PCDH9: variants seen among roughly 807,000 people sequenced by gnomAD.
PCDH9 encodes protocadherin 9.
Under a neutral mutation model 70.6 loss-of-function variants are expected in PCDH9, and 24 were observed. That is an observed-to-expected ratio of 0.34 (90% confidence interval 0.25 to 0.48). The LOEUF is 0.48. Among genes scored for constraint, PCDH9 ranks in the 20% least tolerant of loss-of-function variants. PCDH9 has a pLI of 0.99. For missense variants in PCDH9, 1,281 were observed against 1,503.6 expected (o/e 0.85, Z 2.45); for synonymous variants, 562 against 558.5 (o/e 1.01, Z -0.09).
intron 2 of PCDH9, among the ~76,000 whole-genome samples, chr13:67,098,290 G>A (rs2086363051): frequency 6.6e-6 from 1 of 152,152 alleles, no homozygotes; most frequent in South Asian, 2.1e-4. Context: ...ATTGGCATCT[G>A]TTAAGTAATG....
At chr13:66,878,515 T>C (rs576930202) in intron 3 of PCDH9, among the ~76,000 whole-genome samples, 14 of 152,206 alleles carry the variant, frequency 9.2e-5, no homozygotes, top group South Asian at 8.3e-4. Flanking sequence ...GCGTGAGGCA[T>C]AGCGCAGGGC....
chr13:66,447,232 T>C (rs1340965110), intron 4 of PCDH9, among the ~76,000 whole-genome samples: 1 of 152,060 alleles, frequency 6.6e-6, no homozygotes, highest in East Asian at 1.9e-4. Flanking sequence ...ATAGATTTCC[T>C]TTATCAATTG....
intron 3 of PCDH9, among the ~76,000 whole-genome samples, chr13:66,650,139 T>G: frequency 6.6e-6 from 1 of 151,808 alleles, no homozygotes; most frequent in Non-Finnish European, 1.5e-5. Flanking sequence ...TACTTACCAA[T>G]AATAACATTG....
intron 3 of PCDH9, among the ~76,000 whole-genome samples, chr13:66,790,406 T>C (rs1249838209): frequency 6.6e-6 from 1 of 152,064 alleles, no homozygotes; most frequent in Non-Finnish European, 1.5e-5. Flanking sequence ...TTCAATCACC[T>C]CTCACAAAGA....
intron 4 of PCDH9, among the ~76,000 whole-genome samples, chr13:66,401,295 A>G (rs1206797449): frequency 1.3e-5 from 2 of 151,978 alleles, no homozygotes; most frequent in African/African-American, 2.4e-5. Flanking sequence ...CGGTCCCCCC[A>G]TGCTGTTCTT....
At position 66,888,360 on chromosome 13, in the gene PCDH9, G is replaced by A. The variant is rs147878603; in HGVS notation, c.3138+15144C>T. On this transcript the variant is annotated intron_variant, in intron 3 of 4. Transcript: ENST00000377865. ...AAATTTAAAAAATAAAAATTAGCTG[G>A]GTGTGGTGGAACAAACTTGCAGTCC... is the stretch of plus-strand genomic sequence containing the variant. 7.2e-5 allele frequency among the ~76,000 whole-genome samples: 11 copies of A among 151,970 alleles called. No individual in the cohort carries two copies. The East Asian group carries it at 2.1e-3, about 29-fold the overall frequency.
chr13:66,867,298 T>C (rs2081593929), intron 3 of PCDH9, among the ~76,000 whole-genome samples: 1 of 152,190 alleles, frequency 6.6e-6, no homozygotes, highest in African/African-American at 2.4e-5. Flanking sequence ...TCTCTGGTGA[T>C]GTTTATGGAT....
intron 4 of PCDH9, among the ~76,000 whole-genome samples, chr13:66,586,504 G>T (rs958799571): frequency 6.6e-6 from 1 of 151,986 alleles, no homozygotes; most frequent in Non-Finnish European, 1.5e-5. Context: ...TAGAATGGTT[G>T]GGGCGCTCTT....
At chr13:66,400,885 T>C (rs982150970) in intron 4 of PCDH9, among the ~76,000 whole-genome samples, 1 of 152,210 alleles carries the variant, frequency 6.6e-6, no homozygotes, top group Non-Finnish European at 1.5e-5. Flanking sequence ...CATTCCTCTG[T>C]GCTTTAGAAG....
At chr13:66,643,163 T>C (rs2077729916) in intron 3 of PCDH9, among the ~76,000 whole-genome samples, 1 of 151,966 alleles carries the variant, frequency 6.6e-6, no homozygotes, top group South Asian at 2.1e-4. Flanking sequence ...AATCAGTAGA[T>C]GGAAAAACAC....
chr13:66,540,610 A>G (rs544381079), intron 4 of PCDH9, among the ~76,000 whole-genome samples: 2 of 152,306 alleles, frequency 1.3e-5, no homozygotes, highest in East Asian at 3.9e-4. Flanking sequence ...ATGCCTTGAG[A>G]ACTTTGCATA....
chr13:66,955,946 T>G (rs935733059), intron 2 of PCDH9, among the ~76,000 whole-genome samples: 2 of 151,782 alleles, frequency 1.3e-5, no homozygotes, highest in Admixed American at 6.6e-5. Context: ...AAAAAATAAA[T>G]AAAAATATAG....
intron 4 of PCDH9, among the ~76,000 whole-genome samples, chr13:66,349,677 C>T (rs957696582): frequency 7.2e-5 from 11 of 152,048 alleles, no homozygotes; most frequent in African/African-American, 2.4e-4. Context: ...CCCAAAGCAG[C>T]GGTGCTACCT....
chr13:66,875,447 A>T (rs979795918), intron 3 of PCDH9, among the ~76,000 whole-genome samples: 4 of 152,200 alleles, frequency 2.6e-5, no homozygotes, highest in Non-Finnish European at 4.4e-5. Context: ...AAACATCAAC[A>T]CGTGTGGATT....
At chr13:66,778,418 C>T (rs1016120534) in intron 3 of PCDH9, among the ~76,000 whole-genome samples, 1 of 152,132 alleles carries the variant, frequency 6.6e-6, no homozygotes, top group Non-Finnish European at 1.5e-5. Flanking sequence ...CATTGTAGCT[C>T]ATGAATATTT....
intron 4 of PCDH9, among the ~76,000 whole-genome samples, chr13:66,572,093 G>C (rs2076740862): frequency 6.6e-6 from 1 of 151,796 alleles, no homozygotes; most frequent in African/African-American, 2.4e-5. Context: ...CTTTTTTACT[G>C]ATACATAACA....
intron 3 of PCDH9, among the ~76,000 whole-genome samples, chr13:66,643,407 A>T (rs1169284963): frequency 2.0e-5 from 3 of 151,854 alleles, no homozygotes; most frequent in East Asian, 1.9e-4. Context: ...ATTTTTTTTT[A>T]ATCCACCTAT....
At chr13:66,357,782 C>T (rs17081192) in intron 4 of PCDH9, among the ~76,000 whole-genome samples, 14 of 152,000 alleles carry the variant, frequency 9.2e-5, no homozygotes, top group African/African-American at 3.4e-4. Context: ...ACAATAAGTT[C>T]TCTGCAGCTG....
intron 3 of PCDH9, among the ~76,000 whole-genome samples, chr13:66,651,881 A>C (rs1436890282): frequency 6.6e-6 from 1 of 152,082 alleles, no homozygotes; most frequent in African/African-American, 2.4e-5. Context: ...AATGTGATAC[A>C]TCATCTCAAG....
Sources: gnomAD v4.1 joint callset for allele counts (sites outside exome capture counted in the v4.1 genomes callset) on GRCh38, gnomAD v4.1.1 for gene constraint, MANE v1.5 for transcripts, NCBI Gene and HGNC (gene_info 2026-07-23, HGNC 2026-07-21) for gene names.